STK32B: variants seen among roughly 807,000 people sequenced by gnomAD.
STK32B encodes serine/threonine kinase 32B.
A neutral mutation model predicts 52.6 loss-of-function variants in STK32B; 43 were observed. The ratio of observed to expected loss-of-function variants is 0.82; its 90% confidence interval spans 0.64 to 1.05. STK32B has a LOEUF of 1.05. STK32B is among the 50% of genes least tolerant of loss of function. The probability of loss-of-function intolerance (pLI) is 0.00; values close to 1 mark genes in which losing one functional copy is unlikely to be tolerated. For synonymous variants in STK32B, 238 were observed against 204.3 expected, an observed-to-expected ratio of 1.17 and a Z score of -1.41; for missense variants, 621 against 534.6, an observed-to-expected ratio of 1.16 and a Z score of -1.59.
intron 3 of STK32B, among the ~76,000 whole-genome samples, chr4:5,197,327 C>T (rs1013753140): frequency 6.6e-6 from 1 of 152,218 alleles, no homozygotes; most frequent in Non-Finnish European, 1.5e-5. Context: ...CTTGGAATCA[C>T]TTTGCTGCAG....
chr4:5,153,668 A>G (rs1224823110), intron 2 of STK32B, among the ~76,000 whole-genome samples: 1 of 152,186 alleles, frequency 6.6e-6, no homozygotes, highest in African/African-American at 2.4e-5. Flanking sequence ...TGCCACACCT[A>G]TACACATCAA....
chr4:5,050,485 G>C (rs1328369242), upstream of STK32B, among the ~76,000 whole-genome samples: 1 of 152,136 alleles, frequency 6.6e-6, no homozygotes, highest in African/African-American at 2.4e-5. Flanking sequence ...CCAAGAAAAA[G>C]AAAGAAGGGG....
intron 3 of STK32B, among the ~76,000 whole-genome samples, chr4:5,309,309 A>G (rs1294058896): frequency 1.3e-5 from 2 of 152,156 alleles, no homozygotes; most frequent in East Asian, 1.9e-4. Context: ...GAAAATGACC[A>G]TACTACAAAA....
chr4:5,496,378 G>C (rs147665993), intron 11 of STK32B, among the ~76,000 whole-genome samples: 13 of 152,180 alleles, frequency 8.5e-5, no homozygotes, highest in Admixed American at 7.9e-4. Flanking sequence ...AGGACCCTCC[G>C]AGCCAGGTGC....
chr4:5,281,671 T>C (rs559342950), intron 3 of STK32B, among the ~76,000 whole-genome samples: 5 of 152,164 alleles, frequency 3.3e-5, no homozygotes, highest in Non-Finnish European at 7.4e-5. Flanking sequence ...TAAATCATGC[T>C]AAACTCAGCA....
chr4:5,254,965 A>AATATATATATATATATATATATATATAT (rs146017036), intron 3 of STK32B, among the ~76,000 whole-genome samples: 177 of 144,316 alleles, frequency 1.2e-3, no homozygotes, highest in East Asian at 0.012. Flanking sequence ...ATCATTCACT[A>AATATATATATATATATATATATATATAT]ATATATATAT....
At chr4:5,170,968 G>C (rs1719322757) in intron 3 of STK32B, among the ~76,000 whole-genome samples, 1 of 152,178 alleles carries the variant, frequency 6.6e-6, no homozygotes, top group South Asian at 2.1e-4. Flanking sequence ...TCCAGCACCT[G>C]TTGTTTCCTG....
intron 2 of STK32B, among the ~76,000 whole-genome samples, chr4:5,154,309 G>T (rs1290341329): frequency 1.3e-5 from 2 of 150,544 alleles, no homozygotes; most frequent in African/African-American, 4.9e-5. Context: ...TCTCCCTCCT[G>T]GGTTCAAGTG....
the STK32B span, among the ~76,000 whole-genome samples, chr4:5,041,423 C>T: frequency 6.6e-6 from 1 of 152,176 alleles, no homozygotes; most frequent in Non-Finnish European, 1.5e-5. Flanking sequence ...GCCTGGTTCA[C>T]AGTACAGCTA....
chr4:5,462,942 CG>C (rs1717150514), intron 9 of STK32B, among the ~76,000 whole-genome samples: 1 of 152,168 alleles, frequency 6.6e-6, no homozygotes. Context: ...GCAGGGCCCT[CG>C]GAAGGAGACC....
chr4:5,463,981 C>T (rs961369797), intron 9 of STK32B, among the ~76,000 whole-genome samples: 6 of 152,172 alleles, frequency 3.9e-5, no homozygotes, highest in Admixed American at 2.0e-4. Context: ...TACAGTCCTG[C>T]GGGCTGTACA....
intron 11 of STK32B, among the ~76,000 whole-genome samples, chr4:5,473,931 A>G (rs888685529): frequency 3.3e-5 from 5 of 152,138 alleles, no homozygotes; most frequent in African/African-American, 1.2e-4. Context: ...ACTGGCCAAC[A>G]TGGTGAAGCC....
chr4:5,139,651 GCAAGAC>G, intron 1 of STK32B: 1 of 493,526 alleles, frequency 2.0e-6, no homozygotes, highest in East Asian at 3.2e-5. Flanking sequence ...GAGTGAAGCA[GCAAGAC>G]TGCAGAGCCT....
chr4:5,412,195 C>G (rs1711752455), intron 5 of STK32B, among the ~76,000 whole-genome samples: 2 of 152,154 alleles, frequency 1.3e-5, no homozygotes, highest in Admixed American at 1.3e-4. Flanking sequence ...GGGTCATACA[C>G]AATGTCCTGA....
chr4:5,142,757 G>A (rs766514297), intron 2 of STK32B, among the ~76,000 whole-genome samples: 3 of 152,216 alleles, frequency 2.0e-5, no homozygotes, highest in South Asian at 2.1e-4. Flanking sequence ...GGGCTAGGCC[G>A]TGGTGCCCAG....
chr4:5,317,625 A>G (rs66978470), intron 3 of STK32B, among the ~76,000 whole-genome samples: 14,357 of 142,000 alleles, frequency 0.1, 1,973 homozygotes, highest in African/African-American at 0.33. Flanking sequence ...GTGAACACTC[A>G]TGCCCTGGAC....
chr4:5,479,840 G>A (rs979254493), intron 11 of STK32B, among the ~76,000 whole-genome samples: 2 of 152,132 alleles, frequency 1.3e-5, no homozygotes, highest in Non-Finnish European at 2.9e-5. Flanking sequence ...TGTGTTTGCG[G>A]TTTTTTGGGG....
chr4:5,363,480 T>A (rs1734679296), intron 4 of STK32B, among the ~76,000 whole-genome samples: 1 of 152,188 alleles, frequency 6.6e-6, no homozygotes, highest in South Asian at 2.1e-4. Flanking sequence ...TGGGCAGATT[T>A]TAACCATTAA....
chr4:5,300,638 C>G (rs764927971), intron 3 of STK32B, among the ~76,000 whole-genome samples: 3 of 152,146 alleles, frequency 2.0e-5, no homozygotes, highest in Non-Finnish European at 4.4e-5. Flanking sequence ...TTTCTATCCA[C>G]TAATAACATT....
Sources: allele counts gnomAD v4.1 joint callset (sites outside exome capture counted in the v4.1 genomes callset), GRCh38; gene constraint gnomAD v4.1.1; transcripts MANE v1.5; gene names NCBI Gene and HGNC (gene_info 2026-07-23, HGNC 2026-07-21).